The following GABRA3 variants were observed in gnomAD, a reference collection of about 807,000 sequenced individuals.
GABRA3 encodes the protein gamma-aminobutyric acid type A receptor subunit alpha3, also known as gamma-aminobutyric acid receptor subunit alpha-3.
GABRA3 carries 10 observed loss-of-function variants against 30.1 expected under a neutral mutation model. The observed-to-expected ratio is 0.33, with a 90% CI of 0.20 to 0.56. GABRA3 has a LOEUF of 0.56. GABRA3 is among the 20% of genes least tolerant of loss of function. The probability of loss-of-function intolerance (pLI) is 0.89; values close to 1 mark genes in which losing one functional copy is unlikely to be tolerated. For missense variants in GABRA3, 233 were observed against 392.0 expected (o/e 0.59, Z 3.42); for synonymous variants, 151 against 146.8 (o/e 1.03, Z -0.21).
chrX:152,395,932 C>T (rs1246475104), intron 1 of GABRA3, among the ~76,000 whole-genome samples: 2 of 111,996 alleles, frequency 1.8e-5, no homozygotes, highest in African/African-American at 6.5e-5. Flanking sequence ...AAAGCTATAA[C>T]ATAAAAGCAA....
intron 1 of GABRA3, among the ~76,000 whole-genome samples, chrX:152,426,579 T>C (rs1173418781): frequency 2.7e-5 from 3 of 111,599 alleles, no homozygotes; most frequent in African/African-American, 6.5e-5. Context: ...CTTCTAAGAA[T>C]TCCCTTGATG....
Position 152,382,593 on chromosome X carries a change from G to A in GABRA3, c.-26-17997C>T, listed in dbSNP as rs181629734. Among the ~76,000 whole-genome samples, 730 of 111,575 alleles carry A rather than the reference G, an allele frequency of 6.5e-3. 11 individuals carry two copies. The highest frequency in any genetic ancestry group is 0.022 in the African/African-American group (683 of 30,663). ...TCATAGATAAAAAAGTATTGCCCAG[G>A]CCACTGTCATAGAGCTTTTTCTCAT... On this transcript the variant is annotated intron_variant, in intron 1 of 9. Coordinates refer to ENST00000370314, the MANE Select transcript of GABRA3 (RefSeq NM_000808.4).
At chrX:152,277,874 T>C (rs941519389) in intron 4 of GABRA3, among the ~76,000 whole-genome samples, 2 of 111,629 alleles carry the variant, frequency 1.8e-5, no homozygotes, top group Non-Finnish European at 3.8e-5. Flanking sequence ...CACTGTTCGA[T>C]GTGTCAAAGC....
At chrX:152,443,276 G>A (rs963071043) in intron 1 of GABRA3, among the ~76,000 whole-genome samples, 3 of 111,634 alleles carry the variant, frequency 2.7e-5, no homozygotes, top group African/African-American at 6.5e-5. Flanking sequence ...AAAGAAACAC[G>A]TATTAAAACA....
chrX:152,354,620 A>G lies in GABRA3; in HGVS notation c.141-8918T>C, dbSNP rs1283807234. Reference sequence around the variant, plus strand: ...AGCCACTATGTGGAAAAAGAAGCAAATGTTGCAAATGTTACAGGGCCCTAT... The same window carrying G: ...AGCCACTATGTGGAAAAAGAAGCAAGTGTTGCAAATGTTACAGGGCCCTAT... On this transcript the variant is annotated intron_variant, in intron 2 of 9. Coordinates refer to ENST00000370314, the MANE Select transcript of GABRA3 (RefSeq NM_000808.4). Among the ~76,000 whole-genome samples the G allele has an allele frequency of 2.7e-5, 3 of 111,460 alleles. No homozygotes were observed. The Admixed American group carries it at 2.9e-4, about 11-fold the overall frequency.
intron 5 of GABRA3, chrX:152,251,148 C>T (rs1311354285): frequency 1.5e-5 from 5 of 327,351 alleles, no homozygotes; most frequent in Non-Finnish European, 3.0e-5. Context: ...CTTCATCATG[C>T]TTCTGTGCTT....
At chrX:152,357,372 G>A (rs1179067596) in intron 2 of GABRA3, among the ~76,000 whole-genome samples, 1 of 111,836 alleles carries the variant, frequency 8.9e-6, no homozygotes, top group African/African-American at 3.2e-5. Context: ...TTTCTCTAAT[G>A]ATCAGTGATG....
intron 3 of GABRA3, among the ~76,000 whole-genome samples, chrX:152,331,509 G>C (rs1940166401): frequency 8.9e-6 from 1 of 111,846 alleles, no homozygotes; most frequent in African/African-American, 3.3e-5. Flanking sequence ...GTAATGAGTT[G>C]AAATTCCATG....
intron 9 of GABRA3, among the ~76,000 whole-genome samples, chrX:152,172,407 A>G (rs1180936861): frequency 2.7e-5 from 3 of 111,734 alleles, no homozygotes; most frequent in Non-Finnish European, 5.6e-5. Flanking sequence ...AAAACTTACA[A>G]ATAGAATCAC....
intron 3 of GABRA3, among the ~76,000 whole-genome samples, chrX:152,309,103 T>C (rs776724541): frequency 8.1e-5 from 9 of 111,752 alleles, no homozygotes; most frequent in African/African-American, 2.3e-4. Flanking sequence ...AAGAATAAAA[T>C]AGAATGAACA....
chrX:152,364,343 G>A, intron 2 of GABRA3, 88 bp downstream of exon 2: 1 of 920,957 alleles, frequency 1.1e-6, no homozygotes, highest in East Asian at 3.2e-5. Flanking sequence ...GAGTACTTGG[G>A]TTCATCTGGG....
At chrX:152,385,933 T>C (rs1929293342) in intron 1 of GABRA3, among the ~76,000 whole-genome samples, 1 of 110,699 alleles carries the variant, frequency 9.0e-6, no homozygotes, top group Non-Finnish European at 1.9e-5. Context: ...GAGGGCTCTG[T>C]TCTGTTCCAT....
At chrX:152,403,463 T>C (rs960984303) in intron 1 of GABRA3, among the ~76,000 whole-genome samples, 3 of 110,823 alleles carry the variant, frequency 2.7e-5, no homozygotes, top group Non-Finnish European at 3.8e-5. Flanking sequence ...ATGGCTATAA[T>C]GGACAACTTT....
chrX:152,389,706 C>T (rs887774414), intron 1 of GABRA3, among the ~76,000 whole-genome samples: 1 of 111,263 alleles, frequency 9.0e-6, no homozygotes, highest in African/African-American at 3.3e-5. Context: ...AAAATGAGCT[C>T]TTGACTATGT....
chrX:152,181,611 A>G (rs1211550506), intron 9 of GABRA3, among the ~76,000 whole-genome samples: 1 of 109,595 alleles, frequency 9.1e-6, no homozygotes, highest in East Asian at 2.9e-4. Flanking sequence ...CATAGGTGGG[A>G]ATTGAACAAT....
At chrX:152,408,568 G>A (rs1256245322) in intron 1 of GABRA3, among the ~76,000 whole-genome samples, 5 of 111,405 alleles carry the variant, frequency 4.5e-5, no homozygotes, top group Admixed American at 2.9e-4. Flanking sequence ...GAAATTGTCA[G>A]ACAAGAAAAT....
At chrX:152,345,183 C>T (rs982441144) in intron 3 of GABRA3, among the ~76,000 whole-genome samples, 1 of 111,201 alleles carries the variant, frequency 9.0e-6, no homozygotes, top group African/African-American at 3.3e-5. Context: ...TGGGCATTGT[C>T]TAACCTTGAG....
At chrX:152,382,143 G>T (rs1929162723) in intron 1 of GABRA3, among the ~76,000 whole-genome samples, 1 of 112,138 alleles carries the variant, frequency 8.9e-6, no homozygotes, top group Non-Finnish European at 1.9e-5. Context: ...CTTCTCAAAA[G>T]AAGACAATTA....
At chrX:152,321,397 G>A (rs746560940) in intron 3 of GABRA3, among the ~76,000 whole-genome samples, 1 of 111,380 alleles carries the variant, frequency 9.0e-6, no homozygotes, top group South Asian at 3.8e-4. Flanking sequence ...AAGATCATCA[G>A]GGAATTCCAA....
Sources: allele counts gnomAD v4.1 joint callset (sites outside exome capture counted in the v4.1 genomes callset), GRCh38; gene constraint gnomAD v4.1.1; transcripts MANE v1.5; gene names NCBI Gene and HGNC (gene_info 2026-07-23, HGNC 2026-07-21).